The following RERE variants were observed in gnomAD, a reference collection of about 807,000 sequenced individuals.
The protein encoded by RERE is arginine-glutamic acid dipeptide repeats.
In RERE, 40 loss-of-function variants were observed where a neutral mutation model predicts 146.1. The observed-to-expected ratio is 0.27, with a 90% CI of 0.21 to 0.36. The LOEUF is 0.36. Among genes scored for constraint, RERE ranks in the 10% least tolerant of loss-of-function variants. The pLI is 1.00. For missense variants in RERE, 1,933 were observed against 2,138.7 expected (o/e 0.90, Z 1.90); for synonymous variants, 1,003 against 866.0 (o/e 1.16, Z -2.78).
chr1:8,525,875 T>C, intron 7 of RERE: 1 of 1,462,166 alleles, frequency 6.8e-7, no homozygotes, highest in Non-Finnish European at 9.0e-7. Context: ...CAACTCAAAA[T>C]GGAGGCACAT....
At chr1:8,728,556 T>A (rs894822418) in intron 1 of RERE, among the ~76,000 whole-genome samples, 1 of 152,104 alleles carries the variant, frequency 6.6e-6, no homozygotes, top group Non-Finnish European at 1.5e-5. Context: ...AGGTATGATA[T>A]TTCAATTACC....
chr1:8,624,210 A>C (rs1286520008), intron 3 of RERE, 100 bp downstream of exon 3: 4 of 933,528 alleles, frequency 4.3e-6, no homozygotes, highest in Non-Finnish European at 6.9e-6. Context: ...GTGAACTGGT[A>C]ACCACGTCAA....
chr1:8,400,240 G>A (rs1229910958), intron 12 of RERE, among the ~76,000 whole-genome samples: 4 of 151,508 alleles, frequency 2.6e-5, no homozygotes, highest in African/African-American at 9.7e-5. Flanking sequence ...GTGTGTGTGT[G>A]TGTGTGTGTG....
At chr1:8,468,738 A>G (rs1319939330) in intron 10 of RERE, among the ~76,000 whole-genome samples, 1 of 152,160 alleles carries the variant, frequency 6.6e-6, no homozygotes, top group East Asian at 1.9e-4. Flanking sequence ...TTAAGAAATT[A>G]GCTGGGCGTG....
chr1:8,682,100 G>C (rs902961719), intron 1 of RERE, among the ~76,000 whole-genome samples: 2 of 152,138 alleles, frequency 1.3e-5, no homozygotes, highest in Non-Finnish European at 2.9e-5. Context: ...CTAAGTGACA[G>C]ATTTTGGCCT....
chr1:8,593,214 T>C (rs1646515597), intron 4 of RERE, among the ~76,000 whole-genome samples: 1 of 152,218 alleles, frequency 6.6e-6, no homozygotes, highest in Admixed American at 6.5e-5. Flanking sequence ...GCACGGCTAC[T>C]GGAAAAGCTC....
intron 1 of RERE, among the ~76,000 whole-genome samples, chr1:8,697,554 G>A (rs1302959744): frequency 6.6e-6 from 1 of 151,850 alleles, no homozygotes; most frequent in Non-Finnish European, 1.5e-5. Context: ...CAACACACCC[G>A]GCTAATTTTT....
intron 1 of RERE, among the ~76,000 whole-genome samples, chr1:8,747,967 G>A (rs1640456553): frequency 6.6e-6 from 1 of 151,940 alleles, no homozygotes; most frequent in South Asian, 2.1e-4. Flanking sequence ...TAGTAGAGAT[G>A]GGGTTTCACC....
chr1:8,444,068 C>A (rs2124020525), intron 11 of RERE, among the ~76,000 whole-genome samples: 2 of 152,284 alleles, frequency 1.3e-5, no homozygotes, highest in Admixed American at 1.3e-4. Flanking sequence ...TCTTCCAGAC[C>A]CAAGAATGGT....
At chr1:8,397,500 A>G (rs1643095198) in intron 12 of RERE, among the ~76,000 whole-genome samples, 1 of 150,962 alleles carries the variant, frequency 6.6e-6, no homozygotes, top group South Asian at 2.1e-4. Context: ...CTGTTGGCTT[A>G]GCAACCATTC....
intron 12 of RERE, among the ~76,000 whole-genome samples, chr1:8,418,650 A>T (rs1643842888): frequency 6.6e-6 from 1 of 152,216 alleles, no homozygotes; most frequent in Non-Finnish European, 1.5e-5. Flanking sequence ...GTCCTCAGAG[A>T]AGAGATATGT....
chr1:8,498,232 G>T (rs12403339), intron 8 of RERE, among the ~76,000 whole-genome samples: 35 of 151,834 alleles, frequency 2.3e-4, no homozygotes, highest in African/African-American at 8.0e-4. Flanking sequence ...GGTGGCGGGC[G>T]CCTATAATTC....
chr1:8,472,878 A>G (rs75468509), intron 10 of RERE, among the ~76,000 whole-genome samples: 1,995 of 151,724 alleles, frequency 0.013, 44 homozygotes, highest in African/African-American at 0.046. Context: ...TCTAAATCCA[A>G]TGATCAAGGA....
rs576686967 is a variant in RERE at position 8,602,855 on chromosome 1, C to T, written c.522+11706G>A. Among the ~76,000 whole-genome samples the T allele has an allele frequency of 1.2e-4, 19 of 152,220 alleles. No individual in the cohort carries two copies. The South Asian group carries it at 3.9e-3, about 32-fold the overall frequency. Reference sequence around the variant, plus strand: ...CTGATTAAAAAAAAAATCAATCTGACTTTTCTGTCTTGTAATTAAAACAAA... The same window carrying T: ...CTGATTAAAAAAAAAATCAATCTGATTTTTCTGTCTTGTAATTAAAACAAA... On this transcript the variant is annotated intron_variant, in intron 4 of 22. Coordinates refer to ENST00000400908, the MANE Select transcript of RERE (RefSeq NM_001042681.2).
At chr1:8,561,856 T>C (rs1437377978) in intron 4 of RERE, among the ~76,000 whole-genome samples, 1 of 152,242 alleles carries the variant, frequency 6.6e-6, no homozygotes, top group Non-Finnish European at 1.5e-5. Flanking sequence ...TACTCACTAG[T>C]TGAAGAATTT....
chr1:8,647,628 A>G (rs1246287580), intron 2 of RERE, among the ~76,000 whole-genome samples: 2 of 127,246 alleles, frequency 1.6e-5, no homozygotes, highest in Non-Finnish European at 3.3e-5. Flanking sequence ...ATGAGCTTCT[A>G]TTTAAAATAT....
At chr1:8,625,140 G>GT (rs564149288) in intron 2 of RERE, among the ~76,000 whole-genome samples, 1 of 152,010 alleles carries the variant, frequency 6.6e-6, no homozygotes, top group Non-Finnish European at 1.5e-5. Context: ...TTGTTTGTTT[G>GT]TTTGTTTTGT....
intron 7 of RERE, among the ~76,000 whole-genome samples, 174 bp from the exon 8 acceptor site, chr1:8,508,849 C>T (rs1171266853): frequency 6.6e-6 from 1 of 152,222 alleles, no homozygotes; most frequent in Admixed American, 6.5e-5. Flanking sequence ...ACCACACATG[C>T]ACCTCTAAAA....
At chr1:8,710,936 C>A (rs969023849) in intron 1 of RERE, among the ~76,000 whole-genome samples, 7 of 151,906 alleles carry the variant, frequency 4.6e-5, no homozygotes, top group African/African-American at 1.7e-4. Flanking sequence ...GCGGGTGGAT[C>A]ACTTAAGGCC....
Sources: gnomAD v4.1 joint callset for allele counts (sites outside exome capture counted in the v4.1 genomes callset) on GRCh38, gnomAD v4.1.1 for gene constraint, MANE v1.5 for transcripts, NCBI Gene and HGNC (gene_info 2026-07-23, HGNC 2026-07-21) for gene names.